Variants in GRIK5 observed in about 807,000 individuals in gnomAD.
The protein encoded by GRIK5 is glutamate receptor ionotropic, kainate 5.
A neutral mutation model predicts 97.4 loss-of-function variants in GRIK5; 43 were observed. That is an observed-to-expected ratio of 0.44 (90% CI 0.35 to 0.57). GRIK5 has a LOEUF of 0.57. GRIK5 is among the 20% of genes least tolerant of loss of function. The pLI is 0.01. For missense variants in GRIK5, 1,015 were observed against 1,382.0 expected (o/e 0.73, Z 4.21); for synonymous variants, 580 against 583.5 (o/e 0.99, Z 0.09).
rs1159141180 is a variant in GRIK5, at chr19:42,056,650, CTG to C, written c.903+10_903+11del. ...AGTGTTTCTGGGTGTGACTGGGTATCTGTGTGCTCACCGCAGGGCCCAGGTAG... is the reference window on the plus strand; with the variant it reads ...AGTGTTTCTGGGTGTGACTGGGTATCTGTGCTCACCGCAGGGCCCAGGTAG... On this transcript the variant is annotated intron_variant, in intron 8 of 19. Coordinates refer to ENST00000593562, the MANE Select transcript of GRIK5 (RefSeq NM_002088.5). The C allele has an allele frequency of 6.2e-7, 1 of 1,612,676 alleles. No homozygotes were observed. Among genetic ancestry groups the C allele is most frequent in the Non-Finnish European group, 8.5e-7 (1 of 1,178,838 alleles).
chr19:42,053,405 C>A (rs1231726873), intron 11 of GRIK5, among the ~76,000 whole-genome samples, 197 bp downstream of exon 11: 1 of 152,244 alleles, frequency 6.6e-6, no homozygotes, highest in African/African-American at 2.4e-5. Flanking sequence ...GCCCTGAGGG[C>A]AGTCTGCTCC....
intron 15 of GRIK5, among the ~76,000 whole-genome samples, chr19:42,011,701 C>T (rs1440909721): frequency 6.6e-6 from 1 of 151,938 alleles, no homozygotes; most frequent in East Asian, 1.9e-4. Context: ...AGGCCAGGCA[C>T]AGTGGCTCAC....
intron 9 of GRIK5, 35 bp from the exon 10 acceptor site, chr19:42,053,964 G>A: frequency 2.1e-6 from 3 of 1,445,740 alleles, no homozygotes; most frequent in Non-Finnish European, 2.9e-6. Flanking sequence ...GAGGGAGAGT[G>A]CAGGGGCCCA....
rs782417388 is a variant in GRIK5 at position 42,003,309 on chromosome 19, A to AC, written c.2514+22dup. The AC allele has an allele frequency of 2.7e-5, 24 of 878,726 alleles. No homozygotes were observed. The highest frequency in any genetic ancestry group is 2.5e-4 in the Middle Eastern group (1 of 4,074). 54.4% of individuals were successfully genotyped at this position (878,726 alleles called of 1,614,324 possible). A position where few individuals can be genotyped will look rare whatever the true frequency, so the allele number is the denominator to read the frequency against. On this transcript the variant is annotated intron_variant, in intron 19 of 19. Transcript: ENST00000593562. The surrounding 1 kb of genome is among the most constrained non-coding windows in gnomAD (Gnocchi z 4.2). ...CCCCTGGGGGTCCCTGTTCCTGCCCACCCCCACCCCCAGCCTCCTCACCTC... is the reference window on the plus strand; with the variant it reads ...CCCCTGGGGGTCCCTGTTCCTGCCCACCCCCCACCCCCAGCCTCCTCACCTC...
At chr19:42,016,847 G>A (rs535131994) in intron 15 of GRIK5, among the ~76,000 whole-genome samples, 3 of 152,302 alleles carry the variant, frequency 2.0e-5, no homozygotes, top group East Asian at 1.9e-4. Flanking sequence ...GCGTAGGACA[G>A]CCGGATAATT....
At chr19:42,045,833 T>C (rs1407029357) in intron 11 of GRIK5, among the ~76,000 whole-genome samples, 1 of 152,148 alleles carries the variant, frequency 6.6e-6, no homozygotes, top group East Asian at 1.9e-4. Context: ...ATGAGGATGC[T>C]GAGGTCCAGA....
At chr19:42,015,017 T>A (rs2075608379) in intron 15 of GRIK5, among the ~76,000 whole-genome samples, 1 of 152,116 alleles carries the variant, frequency 6.6e-6, no homozygotes, top group Non-Finnish European at 1.5e-5. Flanking sequence ...TATATTAGTA[T>A]CAAAAAATGT....
At chr19:42,047,672 G>GA (rs906758475) in intron 11 of GRIK5, among the ~76,000 whole-genome samples, 12 of 151,860 alleles carry the variant, frequency 7.9e-5, no homozygotes, top group Admixed American at 7.2e-4. Context: ...TACCCATATG[G>GA]AAAAAAATGT....
intron 8 of GRIK5, 23 bp downstream of exon 8, chr19:42,056,639 T>C (rs754230457): frequency 6.2e-7 from 1 of 1,609,542 alleles, no homozygotes; most frequent in South Asian, 1.1e-5. Context: ...TTTCTGGGTG[T>C]GACTGGGTAT....
rs367687040 is a variant in GRIK5, at chr19:42,022,230, G to A, written c.1587+11C>T. 175 of 1,592,094 alleles carry A rather than the reference G, an allele frequency of 1.1e-4. No individual in the cohort carries two copies. The highest frequency in any genetic ancestry group is 1.4e-4 in the Non-Finnish European group (167 of 1,159,996). On this transcript the variant is annotated intron_variant, in intron 13 of 19. Transcript: ENST00000593562. This position sits in a 1 kb window ranked among gnomAD's most constrained non-coding sequence, Gnocchi z 4.2. ...CAGGCAAGCAGCCCATGGTCTCCAG[G>A]GGAACCATACCATGTGCACTCGGTA...
At chr19:42,068,477 A>T in intron 1 of GRIK5, 1 of 357,418 alleles carries the variant, frequency 2.8e-6, no homozygotes, top group Admixed American at 4.7e-5. Context: ...GTGGGGCAGC[A>T]GCTGAGGAGG....
At chr19:42,020,934 G>A (rs1380406000) in intron 15 of GRIK5, among the ~76,000 whole-genome samples, 1 of 152,148 alleles carries the variant, frequency 6.6e-6, no homozygotes, top group Non-Finnish European at 1.5e-5. Context: ...TGCCCAGGCT[G>A]GAGTGCAGTG....
intron 12 of GRIK5, among the ~76,000 whole-genome samples, chr19:42,041,836 G>A (rs4255880): frequency 4.6e-4 from 70 of 152,176 alleles, no homozygotes; most frequent in Non-Finnish European, 8.8e-4. Context: ...TTTGGGTATC[G>A]TCTCTTCTGG....
At position 42,056,835 on chromosome 19, in the gene GRIK5, A is replaced by G. The variant is rs768864535; in HGVS notation, c.742-12T>C. ...AGGATGGGGAAGTCCTGGGACCAGG[A>G]AGAGGTGGTGAGGCCTGGGGCTAAG... On this transcript the variant is annotated splice_polypyrimidine_tract_variant and intron_variant, in intron 7 of 19. Transcript: ENST00000593562. 1.2e-6 allele frequency: 2 copies of G among 1,614,078 alleles called. No homozygotes were observed. Among genetic ancestry groups the G allele is most frequent in the Admixed American group, 3.3e-5 (2 of 60,018 alleles).
intron 12 of GRIK5, among the ~76,000 whole-genome samples, chr19:42,038,902 G>A (rs1044023357): frequency 1.3e-5 from 2 of 152,090 alleles, no homozygotes; most frequent in Non-Finnish European, 2.9e-5. Context: ...TATCCTTCAC[G>A]CTCCAGCTCC....
At position 41,998,925 on chromosome 19, in the gene GRIK5, C is replaced by A; in HGVS notation, c.2889G>T (p.Pro963=). The part of the protein sequence containing the change: ...GLGVPAEATS[P]PRPRPGPAGP... The stretch of plus-strand genomic sequence containing the variant: ...CGGCGGGGCCAGGCCGCGGCCGGGG[C>A]GGGCTGGTGGCTTCGGCGGGGACGC... Residue 963 remains proline (P), a synonymous_variant, in exon 20 of 20, where the codon CCG becomes CCT. Coordinates refer to ENST00000593562, the MANE Select transcript of GRIK5 (RefSeq NM_002088.5). The A allele has an allele frequency of 8.9e-7, 1 of 1,117,448 alleles. No homozygotes were observed. Among genetic ancestry groups the A allele is most frequent in the Non-Finnish European group, 1.1e-6 (1 of 915,780 alleles). 69.2% of individuals were successfully genotyped at this position (1,117,448 alleles called of 1,614,324 possible). A position where few individuals can be genotyped will look rare whatever the true frequency, so the allele number is the denominator to read the frequency against.
chr19:42,017,796 G>A (rs2075642952), intron 15 of GRIK5, among the ~76,000 whole-genome samples: 2 of 152,184 alleles, frequency 1.3e-5, no homozygotes, highest in Non-Finnish European at 1.5e-5. Context: ...GGCTAGATCT[G>A]AGGTTTTGTG....
intron 15 of GRIK5, among the ~76,000 whole-genome samples, chr19:42,013,056 A>C (rs75792349): frequency 0.016 from 2,451 of 152,160 alleles, 78 homozygotes; most frequent in African/African-American, 0.057. Flanking sequence ...TCAACAAAGT[A>C]CAAAATATTT....
intron 15 of GRIK5, among the ~76,000 whole-genome samples, chr19:42,008,918 C>G (rs1401499342): frequency 2.6e-5 from 4 of 152,024 alleles, no homozygotes; most frequent in African/African-American, 9.7e-5. Context: ...GATTAGACAC[C>G]GGCAGCAGAA....
Sources: gnomAD v4.1 joint callset for allele counts (sites outside exome capture counted in the v4.1 genomes callset) on GRCh38, gnomAD v4.1.1 for gene constraint, Gnocchi (gnomAD v3.1) non-coding constraint, MANE v1.5 for transcripts, NCBI Gene and HGNC (gene_info 2026-07-23, HGNC 2026-07-21) for gene names.